MEIKIN: variants seen among roughly 807,000 people sequenced by gnomAD.
MEIKIN encodes meiosis-specific kinetochore protein.
intron 5 of MEIKIN, among the ~76,000 whole-genome samples, chr5:131,925,447 T>C (rs895530126): frequency 6.6e-6 from 1 of 152,228 alleles, no homozygotes; most frequent in Non-Finnish European, 1.5e-5. Context: ...TCTTTTTAAA[T>C]TTTATTCATC....
At chr5:131,904,300 C>T (rs565685913) in intron 8 of MEIKIN, among the ~76,000 whole-genome samples, 3 of 152,284 alleles carry the variant, frequency 2.0e-5, no homozygotes, top group South Asian at 2.1e-4. Flanking sequence ...AGCCTTAACA[C>T]AACACTTGAC....
chr5:131,883,458 TTATCTC>T (rs1270106131), intron 8 of MEIKIN, among the ~76,000 whole-genome samples: 1 of 152,210 alleles, frequency 6.6e-6, no homozygotes, highest in Non-Finnish European at 1.5e-5. Flanking sequence ...GTTTATTTGT[TTATCTC>T]TATTACTAGA....
At chr5:131,921,469 C>A (rs981714399) in intron 6 of MEIKIN, among the ~76,000 whole-genome samples, 15 of 152,146 alleles carry the variant, frequency 9.9e-5, no homozygotes, top group African/African-American at 2.9e-4. Flanking sequence ...ACCAGCCTGG[C>A]CAACATAGTG....
At chr5:131,899,512 A>G (rs1751117772) in intron 8 of MEIKIN, among the ~76,000 whole-genome samples, 1 of 151,732 alleles carries the variant, frequency 6.6e-6, no homozygotes, top group African/African-American at 2.4e-5. Context: ...ACACTGTCCA[A>G]TCAAAAGACA....
chr5:131,891,406 T>G (rs1486655238), intron 8 of MEIKIN, among the ~76,000 whole-genome samples: 1 of 152,346 alleles, frequency 6.6e-6, no homozygotes, highest in African/African-American at 2.4e-5. Context: ...TGCTCCTGTA[T>G]TGGATGCATA....
intron 8 of MEIKIN, among the ~76,000 whole-genome samples, chr5:131,885,348 A>G (rs967371744): frequency 3.8e-3 from 20 of 5,242 alleles, no homozygotes; most frequent in Non-Finnish European, 0.011. Flanking sequence ...TGAAAGAGAG[A>G]GAGAGAGAGA....
chr5:131,913,422 T>A (rs936730239), intron 7 of MEIKIN, among the ~76,000 whole-genome samples: 1 of 152,226 alleles, frequency 6.6e-6, no homozygotes, highest in African/African-American at 2.4e-5. Flanking sequence ...TCTTTGCCTT[T>A]AGACCTTCCG....
intron 6 of MEIKIN, among the ~76,000 whole-genome samples, chr5:131,920,099 A>C (rs577321252): frequency 1.1e-3 from 166 of 152,350 alleles, no homozygotes; most frequent in Admixed American, 2.0e-3. Flanking sequence ...CAAATGCTGT[A>C]ATTTATTTAC....
At chr5:131,837,231 G>A (rs555860168) in intron 11 of MEIKIN, among the ~76,000 whole-genome samples, 2 of 151,870 alleles carry the variant, frequency 1.3e-5, no homozygotes, top group South Asian at 2.1e-4. Flanking sequence ...TGGTCTATTC[G>A]TGCCAGTACA....
At chr5:131,838,918 T>G (rs1273473828) in intron 11 of MEIKIN, among the ~76,000 whole-genome samples, 3 of 152,160 alleles carry the variant, frequency 2.0e-5, no homozygotes, top group African/African-American at 7.2e-5. Context: ...TTCCTCTTGG[T>G]TGTCTAGTTC....
intron 7 of MEIKIN, among the ~76,000 whole-genome samples, chr5:131,915,975 A>G (rs1049939591): frequency 6.6e-6 from 1 of 152,158 alleles, no homozygotes; most frequent in African/African-American, 2.4e-5. Flanking sequence ...ATTAAAGTGG[A>G]TCTACAAAGA....
intron 8 of MEIKIN, among the ~76,000 whole-genome samples, chr5:131,907,706 T>C (rs1751266104): frequency 6.6e-6 from 1 of 151,520 alleles, no homozygotes; most frequent in African/African-American, 2.4e-5. Context: ...ACCCCATCTC[T>C]ACTAAAAATA....
At chr5:131,943,481 T>C (rs1048882136) in intron 3 of MEIKIN, among the ~76,000 whole-genome samples, 2 of 152,140 alleles carry the variant, frequency 1.3e-5, no homozygotes, top group African/African-American at 4.8e-5. Flanking sequence ...TTGGAAACAA[T>C]CTCAATTTCC....
Position 131,902,283 on chromosome 5 carries a change from A to G in MEIKIN, c.703+9532T>C, listed in dbSNP as rs148113316. On this transcript the variant is annotated intron_variant, in intron 8 of 12. Transcript: ENST00000442687. ...CCCTGTCTCTACTAAAATACAAAAA[A>G]TTAGCTGGGTATGGTGGTGCACACC... Among the ~76,000 whole-genome samples the G allele has an allele frequency of 4.4e-3, 671 of 152,234 alleles. 12 individuals are homozygous for G. Among genetic ancestry groups the G allele is most frequent in the African/African-American group, 0.016 (652 of 41,532 alleles).
intron 8 of MEIKIN, among the ~76,000 whole-genome samples, chr5:131,910,296 T>C (rs1233492232): frequency 6.6e-6 from 1 of 152,200 alleles, no homozygotes; most frequent in African/African-American, 2.4e-5. Flanking sequence ...AAGGTCATTA[T>C]GATAAGTGAA....
chr5:131,934,145 T>C (rs1580914399), intron 4 of MEIKIN, among the ~76,000 whole-genome samples: 1 of 151,850 alleles, frequency 6.6e-6, no homozygotes. Context: ...TTTTTTTTAG[T>C]AGAGACGGGG....
intron 9 of MEIKIN, among the ~76,000 whole-genome samples, chr5:131,877,727 G>A (rs1255812121): frequency 6.6e-6 from 1 of 152,156 alleles, no homozygotes; most frequent in African/African-American, 2.4e-5. Context: ...ATTATTCAAA[G>A]GAAAGTTGGA....
At chr5:131,816,325 G>A (rs947164708) in intron 12 of MEIKIN, among the ~76,000 whole-genome samples, 1 of 152,180 alleles carries the variant, frequency 6.6e-6, no homozygotes, top group East Asian at 1.9e-4. Context: ...TGCTGTGAAG[G>A]TATTTTGTAG....
chr5:131,938,501 T>A (rs1301842491), intron 4 of MEIKIN, among the ~76,000 whole-genome samples: 1 of 152,128 alleles, frequency 6.6e-6, no homozygotes, highest in Admixed American at 6.5e-5. Context: ...CAATCAGTGG[T>A]TTTTTTGTAG....
Sources: gnomAD v4.1 joint callset for allele counts (sites outside exome capture counted in the v4.1 genomes callset) on GRCh38, gnomAD v4.1.1 for gene constraint, MANE v1.5 for transcripts, NCBI Gene and HGNC (gene_info 2026-07-23, HGNC 2026-07-21) for gene names.